The following CTIF variants were observed in gnomAD, a reference collection of about 807,000 sequenced individuals.
CTIF encodes cap binding complex dependent translation initiation factor.
In CTIF, 21 loss-of-function variants were observed where a neutral mutation model predicts 66.0. That is an observed-to-expected ratio of 0.32 (90% confidence interval 0.23 to 0.46). CTIF has a LOEUF of 0.46. Among genes scored for constraint, CTIF ranks in the 20% least tolerant of loss-of-function variants. CTIF has a pLI of 1.00. For synonymous variants in CTIF, 345 were observed against 326.4 expected (o/e 1.06, Z -0.62); for missense variants, 739 against 812.7 (o/e 0.91, Z 1.10).
intron 1 of CTIF, among the ~76,000 whole-genome samples, chr18:48,580,743 C>A (rs2089635928): frequency 6.6e-6 from 1 of 152,200 alleles, no homozygotes; most frequent in Admixed American, 6.5e-5. Context: ...CAGGGCTCCT[C>A]CTCCCATCCT....
intron 7 of CTIF, among the ~76,000 whole-genome samples, chr18:48,720,279 G>C (rs889021121): frequency 2.0e-5 from 3 of 152,178 alleles, no homozygotes; most frequent in African/African-American, 7.2e-5. Flanking sequence ...ATGGGGACGG[G>C]GGGGATGCTT....
At chr18:48,632,006 T>C (rs903683468) in intron 2 of CTIF, among the ~76,000 whole-genome samples, 3 of 152,142 alleles carry the variant, frequency 2.0e-5, no homozygotes, top group Non-Finnish European at 4.4e-5. Flanking sequence ...TCTGGAGATT[T>C]TCTAGGCGGT....
At chr18:48,590,178 G>A (rs1272662210) in intron 1 of CTIF, among the ~76,000 whole-genome samples, 4 of 152,242 alleles carry the variant, frequency 2.6e-5, no homozygotes, top group Non-Finnish European at 4.4e-5. Flanking sequence ...AGCCTCATGA[G>A]GCAGAAGCCT....
At position 48,862,434 on chromosome 18, in the gene CTIF, A is replaced by G. The variant is rs1599188123; in HGVS notation, c.*2875A>G. 2 of 152,588 alleles carry G rather than the reference A, an allele frequency of 1.3e-5. No individual in the cohort carries two copies. The highest frequency in any genetic ancestry group is 3.9e-4 in the East Asian group (2 of 5,184). 9.5% of individuals were successfully genotyped at this position (152,588 alleles called of 1,614,324 possible). A position where few individuals can be genotyped will look rare whatever the true frequency, so the allele number is the denominator to read the frequency against. On this transcript the variant is annotated 3_prime_UTR_variant, in exon 12 of 12. Coordinates refer to ENST00000256413, the MANE Select transcript of CTIF (RefSeq NM_014772.3). ...CTGCTTGCCACAGCCCTGCTCCCCA[A>G]GGCCTGGTGGCTTTGCCGAAGCTCT...
At chr18:48,598,066 G>A (rs1464611106) in intron 1 of CTIF, among the ~76,000 whole-genome samples, 3 of 152,174 alleles carry the variant, frequency 2.0e-5, no homozygotes, top group Non-Finnish European at 4.4e-5. Context: ...CAAACCCTTA[G>A]ACTTCCAGTG....
intron 10 of CTIF, among the ~76,000 whole-genome samples, chr18:48,817,788 AG>A (rs151254664): frequency 0.027 from 4,020 of 146,358 alleles, 172 homozygotes; most frequent in African/African-American, 0.097. Flanking sequence ...AAAAAAAAAA[AG>A]GGGGCCCATC....
chr18:48,758,016 C>T lies in CTIF; in HGVS notation c.682C>T (p.Gln228Ter). The change falls in exon 8 of 12, where the codon CAG becomes TAG. Residue 228 changes from glutamine to a stop codon, truncating the protein, a stop_gained. Coordinates refer to ENST00000256413, the MANE Select transcript of CTIF (RefSeq NM_014772.3). LOFTEE classifies it high-confidence loss of function. ...CAACAGGGACCACCAGAAATCCTAC[C>T]AGGGGGGCTCAGCACCCCACCCCTC... ...KHNRDHQKSY[Q>*]GGSAPHPSGR... The T allele has an allele frequency of 6.2e-7, 1 of 1,614,036 alleles. No individual in the cohort carries two copies. Among genetic ancestry groups the T allele is most frequent in the East Asian group, 2.2e-5 (1 of 44,874 alleles).
chr18:48,848,666 C>T (rs2069132421), intron 10 of CTIF, among the ~76,000 whole-genome samples: 1 of 152,228 alleles, frequency 6.6e-6, no homozygotes. Flanking sequence ...TGCAGGGTGG[C>T]ATCCCAAGCT....
intron 1 of CTIF, among the ~76,000 whole-genome samples, chr18:48,584,975 A>G (rs750342788): frequency 6.6e-6 from 1 of 152,234 alleles, no homozygotes. Context: ...ATTGCCCCAG[A>G]AGGCCATCAG....
chr18:48,730,316 TGCGGTGTGAGGGG>T (rs2092430662), intron 7 of CTIF, among the ~76,000 whole-genome samples: 1 of 109,938 alleles, frequency 9.1e-6, no homozygotes, highest in Non-Finnish European at 1.8e-5. Flanking sequence ...GAGGGGCTTC[TGCGGTGTGAGGGG>T]CCCCTGCGGT....
intron 9 of CTIF, among the ~76,000 whole-genome samples, chr18:48,803,897 T>C (rs141481653): frequency 6.6e-6 from 1 of 152,176 alleles, no homozygotes; most frequent in Non-Finnish European, 1.5e-5. Flanking sequence ...TCAGTCAGCA[T>C]GCAAGTCAAA....
intron 10 of CTIF, among the ~76,000 whole-genome samples, chr18:48,857,025 A>C (rs902669074): frequency 6.6e-6 from 1 of 152,196 alleles, no homozygotes; most frequent in African/African-American, 2.4e-5. Flanking sequence ...CCATGGCCCT[A>C]GTTAGGAAAC....
intron 3 of CTIF, among the ~76,000 whole-genome samples, chr18:48,654,974 G>T (rs1285525026): frequency 6.6e-6 from 1 of 151,974 alleles, no homozygotes; most frequent in Non-Finnish European, 1.5e-5. Flanking sequence ...GGGCCTGTGT[G>T]GGGTGGGGGG....
intron 1 of CTIF, among the ~76,000 whole-genome samples, chr18:48,577,213 C>T (rs1457827771): frequency 6.6e-6 from 1 of 152,196 alleles, no homozygotes; most frequent in Non-Finnish European, 1.5e-5. Context: ...GCCCCAGGAC[C>T]AGGTGGTAGC....
intron 1 of CTIF, among the ~76,000 whole-genome samples, chr18:48,595,237 C>T (rs1478584780): frequency 1.3e-5 from 2 of 152,130 alleles, no homozygotes; most frequent in African/African-American, 2.4e-5. Flanking sequence ...TGGCAGGCAC[C>T]TTAGAGCTCA....
At chr18:48,623,928 T>C (rs2090545825) in intron 2 of CTIF, among the ~76,000 whole-genome samples, 1 of 145,680 alleles carries the variant, frequency 6.9e-6, no homozygotes, top group Non-Finnish European at 1.5e-5. Context: ...ACATAGATAA[T>C]AGATAGATAA....
intron 1 of CTIF, among the ~76,000 whole-genome samples, chr18:48,551,985 G>A (rs907226314): frequency 6.6e-6 from 1 of 152,072 alleles, no homozygotes; most frequent in Non-Finnish European, 1.5e-5. Flanking sequence ...TGTATTTTTA[G>A]TAGAGACGGG....
chr18:48,801,372 A>G (rs918717332), intron 9 of CTIF, among the ~76,000 whole-genome samples: 2 of 152,186 alleles, frequency 1.3e-5, no homozygotes, highest in South Asian at 2.1e-4. Flanking sequence ...GTCCTTCTCT[A>G]TCCTGGCTCC....
chr18:48,575,746 C>T (rs1286681007), intron 1 of CTIF, among the ~76,000 whole-genome samples: 1 of 152,246 alleles, frequency 6.6e-6, no homozygotes, highest in Non-Finnish European at 1.5e-5. Flanking sequence ...TTGATGAAGG[C>T]TGCTTTGTGC....
Sources: gnomAD v4.1 joint callset for allele counts (sites outside exome capture counted in the v4.1 genomes callset) on GRCh38, gnomAD v4.1.1 for gene constraint, MANE v1.5 for transcripts, NCBI Gene and HGNC (gene_info 2026-07-23, HGNC 2026-07-21) for gene names.